Variants in RETREG3 observed in about 807,000 individuals in gnomAD.
The protein encoded by RETREG3 is reticulophagy regulator family member 3, also known as reticulophagy regulator 3.
RETREG3 carries 23 observed loss-of-function variants against 50.2 expected under a neutral mutation model. That is an observed-to-expected ratio of 0.46 (90% CI 0.33 to 0.65). The LOEUF (loss-of-function observed/expected upper bound fraction) is 0.65. Among genes scored for constraint, RETREG3 ranks in the 30% least tolerant of loss-of-function variants. The probability of loss-of-function intolerance (pLI) is 0.02; values close to 1 mark genes in which losing one functional copy is unlikely to be tolerated. For synonymous variants in RETREG3, 240 were observed against 234.4 expected (o/e 1.02, Z -0.22); for missense variants, 546 against 598.0 (o/e 0.91, Z 0.91).
intron 1 of RETREG3, among the ~76,000 whole-genome samples, chr17:42,597,602 TATATATATA>T (rs2093149026): frequency 2.3e-4 from 1 of 4,424 alleles, no homozygotes; most frequent in African/African-American, 4.8e-4. Flanking sequence ...TATATATATA[TATATATATA>T]TATATATATT....
Position 42,582,152 on chromosome 17 carries a change from G to A in RETREG3, c.1062C>T (p.Pro354=), listed in dbSNP as rs1432105827. 6.2e-7 allele frequency: 1 copy of A among 1,614,116 alleles called. No individual in the cohort carries two copies. The highest frequency in any genetic ancestry group is 8.5e-7 in the Non-Finnish European group (1 of 1,180,030). The change falls in exon 9 of 9, where the codon CCC becomes CCT. Residue 354 remains proline (P), a synonymous_variant. Transcript: ENST00000309428. ...DDEDDTSIGM[P]SLMYRSPPGA... The stretch of plus-strand genomic sequence containing the variant: ...CTGGCGGAGAACGGTACATCAAGCT[G>A]GGCATGCCAATGCTAGTGTCGTCCT...
At chr17:42,595,654 ATTTC>A (rs1156396266) in intron 1 of RETREG3, among the ~76,000 whole-genome samples, 72 of 139,802 alleles carry the variant, frequency 5.2e-4, no homozygotes, top group Non-Finnish European at 8.3e-4. Flanking sequence ...TGACAACCCT[ATTTC>A]TTTCTTTCTT....
In RETREG3 at chr17:42,592,089, G is replaced by C. The variant is rs746028869; in HGVS notation, c.313C>G (p.Gln105Glu). 15 of 1,613,334 alleles carry C rather than the reference G, an allele frequency of 9.3e-6. No homozygotes were observed. The highest frequency in any genetic ancestry group is 1.3e-5 in the Non-Finnish European group (15 of 1,179,820). The change falls in exon 2 of 9, where the codon CAA (glutamine) becomes GAA (glutamate). Residue 105 changes from glutamine to glutamate, a missense_variant. Physicochemically the swap from Gln to Glu is conservative, Grantham distance 29 (BLOSUM62 2). Transcript: ENST00000309428. ...TCAGGCCAGATTTTGTTCTTCCATT[G>C]ATCAATACACACAATGATCATCAAG... ...FGLMIIVCID[Q>E]WKNKIWPEIK... is the part of the protein sequence containing the mutation.
chr17:42,599,511 G>A (rs1021171609), intron 1 of RETREG3, among the ~76,000 whole-genome samples: 19 of 151,840 alleles, frequency 1.3e-4, no homozygotes, highest in African/African-American at 4.1e-4. Flanking sequence ...AAAATTAGCC[G>A]GGCGTGGTGG....
At chr17:42,591,969 C>T in intron 2 of RETREG3, 87 bp downstream of exon 2, 2 of 1,164,538 alleles carry the variant, frequency 1.7e-6, no homozygotes, top group Non-Finnish European at 2.5e-6. Context: ...GCTCCATACA[C>T]CTCCTCATAA....
At chr17:42,595,376 TAC>T (rs1472700153) in intron 1 of RETREG3, among the ~76,000 whole-genome samples, 12 of 151,822 alleles carry the variant, frequency 7.9e-5, no homozygotes, top group African/African-American at 2.9e-4. Context: ...GTGCTGGGAT[TAC>T]AGACATGAGC....
At chr17:42,603,086 G>C (rs1279481603) in intron 1 of RETREG3, among the ~76,000 whole-genome samples, 3 of 151,718 alleles carry the variant, frequency 2.0e-5, no homozygotes. Context: ...CACTCTGTCA[G>C]GGACTAAAAT....
intron 3 of RETREG3, 66 bp downstream of exon 3, chr17:42,587,768 T>C (rs2093124095): frequency 1.3e-6 from 2 of 1,584,814 alleles, no homozygotes; most frequent in South Asian, 1.1e-5. Flanking sequence ...GTTAACAACA[T>C]GTAACCAGAA....
Position 42,591,374 on chromosome 17 carries a change from CTT to C in RETREG3, c.346+680_346+681del, listed in dbSNP as rs1395644790. Reference sequence around the variant, plus strand: ...TTTTTTTTTGAGACTGAGTTTTGCTCTTGTCACCGAGGCTGGAGTGCAGTGGC... The same window carrying C: ...TTTTTTTTTGAGACTGAGTTTTGCTCGTCACCGAGGCTGGAGTGCAGTGGC... On this transcript the variant is annotated intron_variant, in intron 2 of 8. Transcript: ENST00000309428. Among the ~76,000 whole-genome samples the C allele has an allele frequency of 2.1e-4, 31 of 147,284 alleles. 1 individual carries two copies. The highest frequency in any genetic ancestry group is 1.8e-3 in the Admixed American group (26 of 14,616).
At position 42,586,717 on chromosome 17, in the gene RETREG3, A is replaced by G. The variant is rs199627397; in HGVS notation, c.504+48T>C. 1.9e-3 allele frequency: 3,106 copies of G among 1,600,602 alleles called. 31 individuals carry two copies. The highest frequency in any genetic ancestry group is 0.012 in the South Asian group (1,051 of 89,308). ...AAGGAGCTGTTTCAGTTTAGCATGA[A>G]CTGAACTGAGAGGCCAGAGATGAAA... is the stretch of plus-strand genomic sequence containing the variant. On this transcript the variant is annotated intron_variant, in intron 4 of 8. Transcript: ENST00000309428.
chr17:42,596,337 T>C (rs1377355194), intron 1 of RETREG3, among the ~76,000 whole-genome samples: 1 of 116,226 alleles, frequency 8.6e-6, no homozygotes, highest in Non-Finnish European at 1.6e-5. Context: ...CCAGCCTGGC[T>C]GACAAATCTG....
intron 5 of RETREG3, 24 bp downstream of exon 5, chr17:42,586,029 A>C: frequency 6.2e-7 from 1 of 1,610,304 alleles, no homozygotes; most frequent in Non-Finnish European, 8.5e-7. Context: ...TATACTTTGT[A>C]GGGGAGGTAT....
At chr17:42,599,377 G>A (rs558427187) in intron 1 of RETREG3, among the ~76,000 whole-genome samples, 47 of 152,218 alleles carry the variant, frequency 3.1e-4, no homozygotes, top group African/African-American at 1.1e-3. Context: ...GTTGTTGGCT[G>A]GGCACAGTGG....
intron 1 of RETREG3, among the ~76,000 whole-genome samples, chr17:42,606,215 C>T (rs113144648): frequency 0.016 from 2,415 of 152,122 alleles, 72 homozygotes; most frequent in African/African-American, 0.055. Context: ...TGTTAATAAG[C>T]TTAAGTAAAC....
At position 42,584,618 on chromosome 17, in the gene RETREG3, T is replaced by G. The variant is rs376817044; in HGVS notation, c.727+507A>C. Among the ~76,000 whole-genome samples the G allele has an allele frequency of 1.6e-4, 24 of 152,148 alleles. No individual in the cohort carries two copies. The East Asian group carries it at 4.7e-3, about 29-fold the overall frequency. ...TGAGCCCAGGAGTTCAGGATCAGCC[T>G]GGGCAACATGAGACCCCATCTCTAC... On this transcript the variant is annotated intron_variant, in intron 6 of 8. Coordinates refer to ENST00000309428, the MANE Select transcript of RETREG3 (RefSeq NM_178126.4).
Position 42,579,762 on chromosome 17 carries a change from CAA to C in RETREG3, c.*2049_*2050del, listed in dbSNP as rs1713587805. The C allele has an allele frequency of 2.6e-5, 4 of 152,892 alleles. No individual in the cohort carries two copies. The South Asian group carries it at 8.3e-4, about 32-fold the overall frequency. 9.5% of individuals were successfully genotyped at this position (152,892 alleles called of 1,614,324 possible). ...TCAGAGCTCTGAACTTGAGAGGTGT[CAA>C]AAGTCTGTTTGAGAAGCCTAAAGTG... On this transcript the variant is annotated 3_prime_UTR_variant, in exon 9 of 9. Transcript: ENST00000309428.
At chr17:42,582,330 C>G in intron 8 of RETREG3, 60 bp from the exon 9 acceptor site, 1 of 1,490,386 alleles carries the variant, frequency 6.7e-7, no homozygotes, top group Non-Finnish European at 9.0e-7. Context: ...GTGCCCCAGC[C>G]CCACATGACC....
At chr17:42,596,823 A>T (rs1482963895) in intron 1 of RETREG3, among the ~76,000 whole-genome samples, 3 of 151,620 alleles carry the variant, frequency 2.0e-5, no homozygotes. Context: ...GGAGGGGTCA[A>T]CTCTAGTTCT....
chr17:42,595,645 G>A (rs192247013), intron 1 of RETREG3, among the ~76,000 whole-genome samples: 5 of 149,744 alleles, frequency 3.3e-5, no homozygotes, highest in African/African-American at 9.8e-5. Flanking sequence ...AGTCACCAAT[G>A]ACAACCCTAT....
Sources: allele counts gnomAD v4.1 joint callset (sites outside exome capture counted in the v4.1 genomes callset), GRCh38; gene constraint gnomAD v4.1.1; transcripts MANE v1.5; gene names NCBI Gene and HGNC (gene_info 2026-07-23, HGNC 2026-07-21).